TMEM181: variants seen among roughly 807,000 people sequenced by gnomAD.
TMEM181 encodes G protein-coupled receptor 178.
Under a neutral mutation model 71.9 loss-of-function variants are expected in TMEM181, and 39 were observed. The ratio of observed to expected loss-of-function variants is 0.54; its 90% CI spans 0.42 to 0.71. The LOEUF is 0.71. TMEM181 is among the 30% of genes least tolerant of loss of function. The pLI is 0.00. For missense variants in TMEM181, 595 were observed against 583.0 expected, an observed-to-expected ratio of 1.02 and a Z score of -0.21; for synonymous variants, 245 against 228.8, an observed-to-expected ratio of 1.07 and a Z score of -0.64.
chr6:158,605,376 G>A, intron 7 of TMEM181, 29 bp downstream of exon 7: 2 of 1,600,792 alleles, frequency 1.2e-6, no homozygotes, highest in Non-Finnish European at 1.7e-6. Context: ...ATGGACCGCA[G>A]CAGATCCCAG....
At chr6:158,578,483 GA>G (rs1783288352) in intron 2 of TMEM181, among the ~76,000 whole-genome samples, 1 of 152,128 alleles carries the variant, frequency 6.6e-6, no homozygotes, top group South Asian at 2.1e-4. Flanking sequence ...CATAGTTTAA[GA>G]GACTAATGCA....
At chr6:158,592,151 G>A (rs976210775) in intron 6 of TMEM181, among the ~76,000 whole-genome samples, 3 of 152,106 alleles carry the variant, frequency 2.0e-5, no homozygotes, top group African/African-American at 4.8e-5. Context: ...TGTACATTTC[G>A]TTTCCCCAGC....
chr6:158,580,921 CT>C lies in TMEM181; in HGVS notation c.113-15del, dbSNP rs751942502. On this transcript the variant is annotated intron_variant, in intron 2 of 16. Coordinates refer to ENST00000684151, the MANE Select transcript of TMEM181 (RefSeq NM_001376852.1). Reference sequence around the variant, plus strand: ...AATATTGCTATAATCTGCTTTTGTCCTTTTCTGTTACACTTTAGGACCTAAA... The same window carrying C: ...AATATTGCTATAATCTGCTTTTGTCCTTTCTGTTACACTTTAGGACCTAAA... The C allele has an allele frequency of 1.3e-6, 2 of 1,581,402 alleles. No individual in the cohort carries two copies. Among genetic ancestry groups the C allele is most frequent in the South Asian group, 1.1e-5 (1 of 88,510 alleles).
chr6:158,632,001 C>G lies in TMEM181; in HGVS notation c.*113C>G, dbSNP rs542472011. The G allele has an allele frequency of 9.2e-5, 96 of 1,042,302 alleles. No homozygotes were observed. In the East Asian group the frequency reaches 2.2e-3, roughly 24 times the overall value. The allele number at this position is 1,042,302 out of a possible 1,614,324, so 64.6% of individuals were successfully genotyped here. ...TTCTTACAAGCAGAGATTTCCTGTT[C>G]ATTTGTTTACATATTTTTTTAAAGG... is the stretch of plus-strand genomic sequence containing the variant. On this transcript the variant is annotated 3_prime_UTR_variant, in exon 17 of 17. Transcript: ENST00000684151.
intron 5 of TMEM181, among the ~76,000 whole-genome samples, chr6:158,588,349 C>T (rs1783903614): frequency 6.6e-6 from 1 of 152,234 alleles, no homozygotes; most frequent in South Asian, 2.1e-4. Context: ...CACTCCCCTC[C>T]TCTCTGCTTT....
intron 10 of TMEM181, among the ~76,000 whole-genome samples, chr6:158,616,762 G>T (rs1488895348): frequency 6.6e-6 from 1 of 152,166 alleles, no homozygotes; most frequent in East Asian, 1.9e-4. Context: ...TTTGTCTTTG[G>T]TTCTGTTTAT....
chr6:158,559,821 A>T (rs1166834323), upstream of TMEM181, among the ~76,000 whole-genome samples: 1 of 152,224 alleles, frequency 6.6e-6, no homozygotes, highest in African/African-American at 2.4e-5. Flanking sequence ...ACGCCCCGAC[A>T]CTCGGGAAGT....
At chr6:158,602,082 TC>T (rs1213509366) in intron 6 of TMEM181, among the ~76,000 whole-genome samples, 1 of 152,198 alleles carries the variant, frequency 6.6e-6, no homozygotes. Context: ...TTGTGCCCCT[TC>T]CTCCTGTCCT....
At chr6:158,612,488 G>T (rs912819749) in intron 10 of TMEM181, among the ~76,000 whole-genome samples, 1 of 152,228 alleles carries the variant, frequency 6.6e-6, no homozygotes, top group African/African-American at 2.4e-5. Context: ...TTTGAAAAAG[G>T]TTAATTAGGC....
chr6:158,605,150 G>T (rs1365555579), intron 6 of TMEM181, 117 bp from the exon 7 acceptor site: 11 of 540,564 alleles, frequency 2.0e-5, no homozygotes, highest in East Asian at 6.7e-5. Context: ...GTGTGTGTGT[G>T]TGTGTGTGTA....
At chr6:158,548,238 G>A (rs371790359) in intron 1 of TMEM181, among the ~76,000 whole-genome samples, 28 of 152,082 alleles carry the variant, frequency 1.8e-4, no homozygotes, top group East Asian at 3.9e-4. Flanking sequence ...CCTCTGAAAC[G>A]TACTCTCCAA....
rs901382867 is a variant in TMEM181, at chr6:158,577,082, A to G, written c.112+3559A>G. On this transcript the variant is annotated intron_variant, in intron 2 of 16. Transcript: ENST00000684151. ...ATCTCAAAAAAAAAAAAAAAAAAAA[A>G]GTCACAAGGCAAACAATGAAGTATG... Among the ~76,000 whole-genome samples, 3 of 143,776 alleles carry G rather than the reference A, an allele frequency of 2.1e-5. No homozygotes were observed. The East Asian group carries it at 6.4e-4, about 30-fold the overall frequency. 94.3% of individuals were successfully genotyped at this position (143,776 alleles called of 152,430 possible). A position where few individuals can be genotyped will look rare whatever the true frequency, so the allele number is the denominator to read the frequency against.
intron 10 of TMEM181, among the ~76,000 whole-genome samples, chr6:158,618,646 T>C (rs975976174): frequency 6.6e-6 from 1 of 152,234 alleles, no homozygotes; most frequent in Non-Finnish European, 1.5e-5. Flanking sequence ...TTCCTTTCCA[T>C]GTTTAGTGCT....
At chr6:158,608,163 C>T (rs1039049495) in intron 8 of TMEM181, among the ~76,000 whole-genome samples, 170 bp from the exon 9 acceptor site, 2 of 152,148 alleles carry the variant, frequency 1.3e-5, no homozygotes, top group Admixed American at 1.3e-4. Flanking sequence ...GGGGTGCTCT[C>T]TGCTAGGTGC....
chr6:158,622,614 C>T (rs980500103), intron 10 of TMEM181, among the ~76,000 whole-genome samples: 1 of 152,154 alleles, frequency 6.6e-6, no homozygotes, highest in Non-Finnish European at 1.5e-5. Context: ...CTGGAATGTC[C>T]CATTTAACGT....
At chr6:158,542,095 T>A (rs1376799808) in intron 1 of TMEM181, among the ~76,000 whole-genome samples, 1 of 151,864 alleles carries the variant, frequency 6.6e-6, no homozygotes, top group African/African-American at 2.4e-5. Context: ...TTAGTAGAGA[T>A]GGGGCTTCAT....
At position 158,585,347 on chromosome 6, in the gene TMEM181, T is replaced by C; in HGVS notation, c.303T>C (p.Asp101=). 1 of 1,609,726 alleles carries C rather than the reference T, an allele frequency of 6.2e-7. No individual in the cohort carries two copies. Among genetic ancestry groups the C allele is most frequent in the Non-Finnish European group, 8.5e-7 (1 of 1,179,074 alleles). The part of the protein sequence containing the change: ...KTSFPMTVKV[D]GVAQDGTTMY... Reference sequence around the variant, plus strand: ...GCTTTCCCATGACTGTTAAAGTCGATGGTGTAGCTCAAGATGGAACCACGA... The same window carrying C: ...GCTTTCCCATGACTGTTAAAGTCGACGGTGTAGCTCAAGATGGAACCACGA... The change falls in exon 5 of 17, where the codon GAT becomes GAC. Residue 101 remains aspartate, a synonymous_variant. Transcript: ENST00000684151.
chr6:158,540,864 C>A (rs1468773081), intron 1 of TMEM181, among the ~76,000 whole-genome samples: 1 of 152,138 alleles, frequency 6.6e-6, no homozygotes, highest in Non-Finnish European at 1.5e-5. Context: ...ACCTCCTCGA[C>A]TCCTCTCCCG....
At chr6:158,606,822 A>T (rs1265944662) in intron 7 of TMEM181, among the ~76,000 whole-genome samples, 2 of 152,318 alleles carry the variant, frequency 1.3e-5, no homozygotes, top group Admixed American at 6.5e-5. Flanking sequence ...TGCCGGGAAC[A>T]TGAGGCTCCT....
Sources: gnomAD v4.1 joint callset for allele counts (sites outside exome capture counted in the v4.1 genomes callset) on GRCh38, gnomAD v4.1.1 for gene constraint, MANE v1.5 for transcripts, NCBI Gene and HGNC (gene_info 2026-07-23, HGNC 2026-07-21) for gene names.